The following KCNC4 variants were observed in gnomAD, a reference collection of about 807,000 sequenced individuals.
KCNC4 encodes potassium voltage-gated channel subfamily C member 4.
KCNC4 carries 23 observed loss-of-function variants against 42.8 expected under a neutral mutation model. That is an observed-to-expected ratio of 0.54 (90% CI 0.39 to 0.76). KCNC4 has a LOEUF of 0.76. Ranked by LOEUF, KCNC4 falls within the 30% of genes least tolerant of loss-of-function variation. The pLI, the probability that KCNC4 is intolerant of heterozygous loss-of-function variation, is 0.00. For synonymous variants in KCNC4, 422 were observed against 393.5 expected, an observed-to-expected ratio of 1.07 and a Z score of -0.86; for missense variants, 751 against 898.2, an observed-to-expected ratio of 0.84 and a Z score of 2.10.
chr1:110,237,459 A>C (rs1307650728), downstream of KCNC4: 1 of 152,180 alleles, frequency 6.6e-6, no homozygotes, highest in Non-Finnish European at 1.5e-5. Context: ...GAAAAAAAAA[A>C]AACTTTCTAA....
chr1:110,271,776 A>G (rs12076202), intron 1 of KCNC4, among the ~76,000 whole-genome samples: 82,926 of 151,528 alleles, frequency 0.55, 23,022 homozygotes, highest in Admixed American at 0.62. Flanking sequence ...TTGAGGTGTG[A>G]GGTTGGGGAG....
At chr1:110,277,534 C>A (rs556916360) in intron 1 of KCNC4, among the ~76,000 whole-genome samples, 110 of 152,204 alleles carry the variant, frequency 7.2e-4, no homozygotes, top group Non-Finnish European at 1.3e-3. Context: ...TCCTTCAATA[C>A]CAAGATCTAT....
chr1:110,283,270 C>T (rs1025804754), downstream of KCNC4, among the ~76,000 whole-genome samples: 8 of 152,116 alleles, frequency 5.3e-5, no homozygotes, highest in South Asian at 2.1e-4. Flanking sequence ...TTCCCAACAC[C>T]GCCACATTGG....
intron 1 of KCNC4, among the ~76,000 whole-genome samples, chr1:110,270,249 T>C (rs1389515968): frequency 6.6e-6 from 1 of 152,218 alleles, no homozygotes; most frequent in African/African-American, 2.4e-5. Flanking sequence ...GTTTGGATGT[T>C]GCCTGCTGCA....
intron 3 of KCNC4, among the ~76,000 whole-genome samples, chr1:110,230,587 C>T (rs1464215610): frequency 6.6e-6 from 1 of 152,230 alleles, no homozygotes; most frequent in African/African-American, 2.4e-5. Context: ...CTCTTCCCTC[C>T]CACAGGGCTG....
chr1:110,232,551 AG>A, intron 3 of KCNC4: 1 of 1,434,190 alleles, frequency 7.0e-7, no homozygotes, highest in South Asian at 1.5e-5. Context: ...GGAGCTTTGA[AG>A]ACCTAAGAGG....
chr1:110,254,097 G>GT (rs1316067921), downstream of KCNC4, among the ~76,000 whole-genome samples: 1 of 135,672 alleles, frequency 7.4e-6, no homozygotes, highest in Non-Finnish European at 1.7e-5. Context: ...AGTCGGGGGG[G>GT]GGGCGGCGTT....
At chr1:110,267,142 G>C (rs1452382074) in intron 1 of KCNC4, among the ~76,000 whole-genome samples, 1 of 152,172 alleles carries the variant, frequency 6.6e-6, no homozygotes, top group Non-Finnish European at 1.5e-5. Flanking sequence ...GGTGGGCTTT[G>C]CTGGGGAGAA....
At chr1:110,228,317 G>A (rs1424232138) in intron 3 of KCNC4, among the ~76,000 whole-genome samples, 2 of 152,136 alleles carry the variant, frequency 1.3e-5, no homozygotes, top group Non-Finnish European at 2.9e-5. Flanking sequence ...CAAGGAGCTG[G>A]TGGGAAGCTT....
intron 1 of KCNC4, among the ~76,000 whole-genome samples, chr1:110,219,083 A>G (rs1374336812): frequency 6.6e-6 from 1 of 152,222 alleles, no homozygotes; most frequent in Admixed American, 6.5e-5. Flanking sequence ...AGCTTCAGCC[A>G]TGAAAATCAG....
chr1:110,263,941 T>G (rs1659497216), intron 1 of KCNC4, among the ~76,000 whole-genome samples: 1 of 151,988 alleles, frequency 6.6e-6, no homozygotes, highest in African/African-American at 2.4e-5. Flanking sequence ...GTCAAATGGA[T>G]GGGGTGGGGG....
intron 3 of KCNC4, among the ~76,000 whole-genome samples, chr1:110,230,065 T>TG (rs969990608): frequency 6.6e-6 from 1 of 152,114 alleles, no homozygotes; most frequent in African/African-American, 2.4e-5. Context: ...TGCATGGGGT[T>TG]GGGGGTGTTG....
intron 1 of KCNC4, among the ~76,000 whole-genome samples, chr1:110,219,099 G>A (rs1423347251): frequency 6.6e-6 from 1 of 152,178 alleles, no homozygotes; most frequent in Non-Finnish European, 1.5e-5. Flanking sequence ...ATCAGGACAA[G>A]CAAGCACTCC....
chr1:110,271,535 G>A (rs1659634877), intron 1 of KCNC4, among the ~76,000 whole-genome samples: 1 of 152,218 alleles, frequency 6.6e-6, no homozygotes, highest in Non-Finnish European at 1.5e-5. Context: ...TGTGAACCCA[G>A]ATCTGTTTGG....
chr1:110,282,225 AAG>A (rs1303195079), intron 1 of KCNC4, among the ~76,000 whole-genome samples: 2 of 152,224 alleles, frequency 1.3e-5, no homozygotes, highest in Non-Finnish European at 2.9e-5. Flanking sequence ...AGAGGGGAGA[AAG>A]AGATGAAAGG....
At position 110,262,880 on chromosome 1, in the gene KCNC4, G is replaced by T. The variant is rs547752028; in HGVS notation, n.31-19654G>T. On this transcript the variant is annotated intron_variant and non_coding_transcript_variant, in intron 1 of 2. Transcript: ENST00000412512. ...GATAATAAGCATTTGTCGTGATGAGGACGTCCTGTCTTTCCCGCCTGTCAA... is the reference window on the plus strand; with the variant it reads ...GATAATAAGCATTTGTCGTGATGAGTACGTCCTGTCTTTCCCGCCTGTCAA... Among the ~76,000 whole-genome samples the T allele has an allele frequency of 3.3e-5, 5 of 152,306 alleles. No individual in the cohort carries two copies. In the South Asian group the frequency reaches 1.0e-3, roughly 32 times the overall value.
chr1:110,269,626 G>C (rs1557875200), intron 1 of KCNC4, among the ~76,000 whole-genome samples: 1 of 152,108 alleles, frequency 6.6e-6, no homozygotes, highest in Non-Finnish European at 1.5e-5. Context: ...ATTTTTATGT[G>C]AACATATGTT....
At chr1:110,217,434 A>G (rs1262637703) in intron 1 of KCNC4, among the ~76,000 whole-genome samples, 1 of 152,184 alleles carries the variant, frequency 6.6e-6, no homozygotes, top group African/African-American at 2.4e-5. Context: ...GGTAGAGCTA[A>G]ACCATATGCA....
chr1:110,281,058 T>TGTG lies in KCNC4; in HGVS notation n.31-1457_31-1455dup, dbSNP rs536177493. ...CTGGGGGTATTAGGTTCAGGCTCCC[T>TGTG]GTGGTGGTGGTGGTGGTGGTGCGGG... On this transcript the variant is annotated intron_variant and non_coding_transcript_variant, in intron 1 of 2. Transcript: ENST00000412512. 3.7e-3 allele frequency among the ~76,000 whole-genome samples: 567 copies of TGTG among 152,060 alleles called. 3 individuals carry two copies. The highest frequency in any genetic ancestry group is 6.8e-3 in the Non-Finnish European group (465 of 67,958).
Sources: gnomAD v4.1 joint callset for allele counts (sites outside exome capture counted in the v4.1 genomes callset) on GRCh38, gnomAD v4.1.1 for gene constraint, MANE v1.5 for transcripts, NCBI Gene and HGNC (gene_info 2026-07-23, HGNC 2026-07-21) for gene names.